The following EBI3 variants were observed in gnomAD, a reference collection of about 807,000 sequenced individuals.
EBI3 encodes interleukin-27 subunit beta.
Under a neutral mutation model 21.3 loss-of-function variants are expected in EBI3, and 19 were observed. The ratio of observed to expected loss-of-function variants is 0.89; its 90% CI spans 0.62 to 1.31. EBI3 has a LOEUF of 1.31. Among genes scored for constraint, EBI3 ranks in the 50% most tolerant of loss-of-function variants. The probability of loss-of-function intolerance (pLI) is 0.00; values close to 1 mark genes in which losing one functional copy is unlikely to be tolerated. For synonymous variants in EBI3, 154 were observed against 131.2 expected, an observed-to-expected ratio of 1.17 and a Z score of -1.19; for missense variants, 331 against 314.0, an observed-to-expected ratio of 1.05 and a Z score of -0.41.
chr19:4,236,349 G>A (rs1207256155), intron 4 of EBI3, among the ~76,000 whole-genome samples: 1 of 149,212 alleles, frequency 6.7e-6, no homozygotes, highest in African/African-American at 2.5e-5. Flanking sequence ...GTGAGACTCC[G>A]TCTCAAAAAC....
Position 4,232,787 on chromosome 19 carries a change from TGAAG to T in EBI3, c.201-338_201-335del, listed in dbSNP as rs1490848945. ...ATGAAGGAATGAATTAATGAATGAA[TGAAG>T]GAATGAATTAATGAATGAATGAACG... On this transcript the variant is annotated intron_variant, in intron 2 of 4. Coordinates refer to ENST00000221847, the MANE Select transcript of EBI3 (RefSeq NM_005755.3). Among the ~76,000 whole-genome samples, 9 of 134,478 alleles carry T rather than the reference TGAAG, an allele frequency of 6.7e-5. No individual in the cohort carries two copies. The East Asian group carries it at 1.3e-3, about 19-fold the overall frequency. The allele number at this position is 134,478 out of a possible 152,430, so 88.2% of individuals were successfully genotyped here. A position where few individuals can be genotyped will look rare whatever the true frequency, so the allele number is the denominator to read the frequency against.
chr19:4,232,747 TGAATTAATGAATGAATGAAG>T (rs1970797631), intron 2 of EBI3, among the ~76,000 whole-genome samples: 2 of 39,256 alleles, frequency 5.1e-5, no homozygotes, highest in Middle Eastern at 0.018. Context: ...AATGAAGGGA[TGAATTAATGAATGAATGAAG>T]GAATGAATTA....
Position 4,229,637 on chromosome 19 carries a change from G to T in EBI3, c.67+20G>T. On this transcript the variant is annotated intron_variant, in intron 1 of 4. Transcript: ENST00000221847. The stretch of plus-strand genomic sequence containing the variant: ...GGAAAGGTATGTGGGGCCCCTGGGG[G>T]ACTGGGGGGCCCAGGCAGACGGACA... 6.3e-7 allele frequency: 1 copy of T among 1,596,524 alleles called. No homozygotes were observed. Among genetic ancestry groups the T allele is most frequent in the Non-Finnish European group, 8.5e-7 (1 of 1,171,998 alleles).
intron 2 of EBI3, among the ~76,000 whole-genome samples, chr19:4,232,150 G>A (rs1372355258): frequency 7.2e-6 from 1 of 139,254 alleles, no homozygotes; most frequent in Non-Finnish European, 1.5e-5. Flanking sequence ...GCTTGACCCA[G>A]GAGGTGGACG....
In EBI3 at chr19:4,234,683, A is replaced by G. The variant is rs1404045990; in HGVS notation, c.396A>G (p.Pro132=). 6.2e-7 allele frequency: 1 copy of G among 1,613,808 alleles called. No homozygotes were observed. The highest frequency in any genetic ancestry group is 8.5e-7 in the Non-Finnish European group (1 of 1,179,908). The change falls in exon 4 of 5, where the codon CCA becomes CCG. Residue 132 remains proline (P), a synonymous_variant. Coordinates refer to ENST00000221847, the MANE Select transcript of EBI3 (RefSeq NM_005755.3). ...GTCCGTCAGTCAAGCCCGACCCTCC[A>G]GAAGGCGTGCGCCTAAGCCCCCTCG... ...ITEHIIKPDP[P]EGVRLSPLAE...
At chr19:4,231,647 T>C (rs1176881380) in intron 2 of EBI3, among the ~76,000 whole-genome samples, 2 of 150,896 alleles carry the variant, frequency 1.3e-5, no homozygotes, top group East Asian at 3.9e-4. Flanking sequence ...GGCTCATGCC[T>C]GTAATCCCAG....
intron 1 of EBI3, among the ~76,000 whole-genome samples, chr19:4,230,793 C>T (rs1271264461): frequency 1.3e-5 from 2 of 151,758 alleles, no homozygotes; most frequent in Non-Finnish European, 2.9e-5. Context: ...CTAAGAATCG[C>T]TTGAACCCGG....
chr19:4,237,164 G>A lies in EBI3; in HGVS notation c.*76G>A, dbSNP rs921932753. The A allele has an allele frequency of 2.9e-5, 40 of 1,396,384 alleles. No individual in the cohort carries two copies. In the Middle Eastern group the frequency reaches 1.4e-3, roughly 48 times the overall value. The allele number at this position is 1,396,384 out of a possible 1,614,324, so 86.5% of individuals were successfully genotyped here. A position where few individuals can be genotyped will look rare whatever the true frequency, so the allele number is the denominator to read the frequency against. On this transcript the variant is annotated 3_prime_UTR_variant, in exon 5 of 5. Coordinates refer to ENST00000221847, the MANE Select transcript of EBI3 (RefSeq NM_005755.3). The stretch of plus-strand genomic sequence containing the variant: ...GCCCCGGGACACCTGTTGGAGGGCG[G>A]ATGGGATCTGCCTAGCCTGGGCTGG...
At chr19:4,233,531 C>T (rs759353533) in intron 3 of EBI3, among the ~76,000 whole-genome samples, 2 of 152,142 alleles carry the variant, frequency 1.3e-5, no homozygotes, top group Non-Finnish European at 2.9e-5. Context: ...GTCCTTCCCA[C>T]AGCAGCCACC....
chr19:4,234,933 GT>G, intron 4 of EBI3, 109 bp downstream of exon 4: 15 of 1,489,160 alleles, frequency 1.0e-5, no homozygotes, highest in Non-Finnish European at 1.4e-5. Context: ...GCGATTCCGG[GT>G]GCATTGAATA....
chr19:4,236,181 A>C (rs7246246), intron 4 of EBI3, among the ~76,000 whole-genome samples: 1 of 152,048 alleles, frequency 6.6e-6, no homozygotes, highest in Non-Finnish European at 1.5e-5. Context: ...TGGTGAAATC[A>C]CAGCTCTACT....
chr19:4,232,687 G>GCA (rs1970796473), intron 2 of EBI3, among the ~76,000 whole-genome samples: 1 of 152,210 alleles, frequency 6.6e-6, no homozygotes, highest in African/African-American at 2.4e-5. Flanking sequence ...TCATGCCACT[G>GCA]CACTCCAGCC....
intron 2 of EBI3, among the ~76,000 whole-genome samples, chr19:4,232,545 C>A (rs574217141): frequency 2.7e-5 from 4 of 150,542 alleles, no homozygotes; most frequent in Non-Finnish European, 5.9e-5. Context: ...TACTGAGACC[C>A]CCCCCCATCT....
Position 4,233,327 on chromosome 19 carries a change from G to C in EBI3, c.379+20G>C. The stretch of plus-strand genomic sequence containing the variant: ...ACATCAGTGAGTGGGGGCGGCAGTG[G>C]GGGCGGGGGCGGGGCTGCCGTCTCC... On this transcript the variant is annotated intron_variant, in intron 3 of 4. Transcript: ENST00000221847. The C allele has an allele frequency of 1.9e-6, 3 of 1,548,484 alleles. No homozygotes were observed. The highest frequency in any genetic ancestry group is 2.6e-6 in the Non-Finnish European group (3 of 1,147,474).
chr19:4,235,057 C>T (rs1239417144), intron 4 of EBI3, among the ~76,000 whole-genome samples: 1 of 152,170 alleles, frequency 6.6e-6, no homozygotes, highest in East Asian at 1.9e-4. Context: ...GACAGAGTCT[C>T]GCTCTGTCGC....
chr19:4,232,833 A>G (rs747409921), intron 2 of EBI3, among the ~76,000 whole-genome samples: 5 of 143,052 alleles, frequency 3.5e-5, no homozygotes, highest in African/African-American at 5.8e-5. Flanking sequence ...TGAATGAATG[A>G]ATGGATGGAT....
rs1051781066 is a variant in EBI3, at chr19:4,237,197, G to C, written c.*109G>C. ...CTGCCTAGCCTGGGCTGGAGTCCTT[G>C]CTTTGCTGCTGCTGAGCTGCCGGGC... On this transcript the variant is annotated 3_prime_UTR_variant, in exon 5 of 5. Transcript: ENST00000221847. 2.0e-5 allele frequency: 27 copies of C among 1,330,436 alleles called. No individual in the cohort carries two copies. The highest frequency in any genetic ancestry group is 2.5e-5 in the Non-Finnish European group (26 of 1,025,882). 82.4% of individuals were successfully genotyped at this position (1,330,436 alleles called of 1,614,324 possible). A position where few individuals can be genotyped will look rare whatever the true frequency, so the allele number is the denominator to read the frequency against.
At position 4,236,518 on chromosome 19, in the gene EBI3, C is replaced by CAAAAAAAAAAAAAAAAAA. The variant is rs4009634; in HGVS notation, c.538-410_538-393dup. 4.6e-4 allele frequency among the ~76,000 whole-genome samples: 14 copies of CAAAAAAAAAAAAAAAAAA among 30,508 alleles called. 6 individuals are homozygous for CAAAAAAAAAAAAAAAAAA. Among genetic ancestry groups the CAAAAAAAAAAAAAAAAAA allele is most frequent in the African/African-American group, 1.8e-3 (12 of 6,720 alleles). The allele number at this position is 30,508 out of a possible 152,430, so 20.0% of individuals were successfully genotyped here. A position where few individuals can be genotyped will look rare whatever the true frequency, so the allele number is the denominator to read the frequency against. ...CCTGGGCAACAGAGTAAGACTGTCT[C>CAAAAAAAAAAAAAAAAAA]AAAAAAAAAAAAAAAAAAAAAAAAA... On this transcript the variant is annotated intron_variant, in intron 4 of 4. Coordinates refer to ENST00000221847, the MANE Select transcript of EBI3 (RefSeq NM_005755.3).
intron 2 of EBI3, chr19:4,232,921 C>T (rs996778582): frequency 3.9e-6 from 2 of 510,950 alleles, no homozygotes; most frequent in Non-Finnish European, 6.7e-6. Flanking sequence ...AATCCCCGAC[C>T]TGAACCATCA....
Sources: allele counts gnomAD v4.1 joint callset (sites outside exome capture counted in the v4.1 genomes callset), GRCh38; gene constraint gnomAD v4.1.1; transcripts MANE v1.5; gene names NCBI Gene and HGNC (gene_info 2026-07-23, HGNC 2026-07-21).